BANP: variants seen among roughly 807,000 people sequenced by gnomAD.
BANP encodes protein BANP.
BANP carries 11 observed loss-of-function variants against 68.1 expected under a neutral mutation model. The observed-to-expected ratio is 0.16, with a 90% CI of 0.10 to 0.27. The LOEUF is 0.27. BANP is among the 10% of genes least tolerant of loss of function. The pLI is 1.00. For synonymous variants in BANP, 329 were observed against 303.2 expected (o/e 1.09, Z -0.88); for missense variants, 504 against 722.7 (o/e 0.70, Z 3.47).
chr16:88,039,929 C>T lies in BANP; in HGVS notation c.1311+1918C>T, dbSNP rs544988056. 1.2e-3 allele frequency among the ~76,000 whole-genome samples: 181 copies of T among 152,324 alleles called. 1 individual carries two copies. The highest frequency in any genetic ancestry group is 2.3e-3 in the South Asian group (11 of 4,828). ...CCCCACTCTCTCTAAGTGGCCTTAC[C>T]GCAGAATGAATAAAGCTGCCGTACT... is the stretch of plus-strand genomic sequence containing the variant. On this transcript the variant is annotated intron_variant, in intron 11 of 13. Transcript: ENST00000682872.
chr16:87,996,991 C>G (rs1243818527), intron 4 of BANP, among the ~76,000 whole-genome samples: 1 of 152,154 alleles, frequency 6.6e-6, no homozygotes, highest in African/African-American at 2.4e-5. Context: ...GCAACAGGGG[C>G]CGCCATGCCA....
intron 11 of BANP, among the ~76,000 whole-genome samples, chr16:88,058,792 T>C (rs1440821914): frequency 1.3e-5 from 2 of 152,140 alleles, no homozygotes; most frequent in Non-Finnish European, 2.9e-5. Context: ...ACATAAAATA[T>C]GCATCAAGGG....
chr16:88,018,235 TC>T lies in BANP; in HGVS notation c.656-191del, dbSNP rs1245403364. On this transcript the variant is annotated intron_variant, in intron 6 of 13. Transcript: ENST00000682872. The surrounding 1 kb of genome is among the most constrained non-coding windows in gnomAD (Gnocchi z 7.7). ...TCGGGGGTGGTGGGATCGTGTCTGT[TC>T]CGCGTCAGTTCTTTCTTGGGCAGCA... is the stretch of plus-strand genomic sequence containing the variant. 6.6e-6 allele frequency among the ~76,000 whole-genome samples: 1 copy of T among 151,660 alleles called. No homozygotes were observed. The highest frequency in any genetic ancestry group is 2.4e-5 in the African/African-American group (1 of 41,268).
chr16:87,967,779 C>T (rs1427022090), intron 1 of BANP, among the ~76,000 whole-genome samples: 3 of 152,138 alleles, frequency 2.0e-5, no homozygotes, highest in Non-Finnish European at 4.4e-5. Context: ...TGTGCCACCA[C>T]GCCCTGCTAA....
In BANP at chr16:87,998,404, CTCTGCGTGGGCTGCTGTCTGTGCCA is replaced by C. The variant is rs1288672184; in HGVS notation, c.363-5841_363-5817del. 6.8e-3 allele frequency among the ~76,000 whole-genome samples: 1,040 copies of C among 152,248 alleles called. 6 individuals are homozygous for C. Among genetic ancestry groups the C allele is most frequent in the South Asian group, 0.019 (93 of 4,816 alleles). Reference sequence around the variant, plus strand: ...GTGGCCTTGAATAGGTTAATAGCTTCTCTGCGTGGGCTGCTGTCTGTGCCATCTGCGTGGGCTGCTGTCTGTGCCA... The same window carrying C: ...GTGGCCTTGAATAGGTTAATAGCTTCTCTGCGTGGGCTGCTGTCTGTGCCA... On this transcript the variant is annotated intron_variant, in intron 4 of 13. Coordinates refer to ENST00000682872, the MANE Select transcript of BANP (RefSeq NM_001386991.1).
intron 1 of BANP, among the ~76,000 whole-genome samples, chr16:87,967,772 G>A (rs1033825140): frequency 2.6e-5 from 4 of 152,062 alleles, no homozygotes; most frequent in African/African-American, 9.7e-5. Flanking sequence ...CAGGGCGTGT[G>A]CCACCACGCC....
intron 10 of BANP, 125 bp downstream of exon 10, chr16:88,035,519 G>A (rs2079121116): frequency 1.2e-6 from 1 of 830,284 alleles, no homozygotes; most frequent in Non-Finnish European, 1.9e-6. Context: ...GGCAAGGGCT[G>A]CAGGACTCCG....
In BANP at chr16:88,003,450, G is replaced by A. The variant is rs556077044; in HGVS notation, c.363-845G>A. The A allele has an allele frequency of 4.4e-6, 2 of 456,272 alleles. No homozygotes were observed. The highest frequency in any genetic ancestry group is 8.8e-6 in the Non-Finnish European group (2 of 226,964). The allele number at this position is 456,272 out of a possible 1,614,324, so 28.3% of individuals were successfully genotyped here. A position where few individuals can be genotyped will look rare whatever the true frequency, so the allele number is the denominator to read the frequency against. On this transcript the variant is annotated intron_variant, in intron 4 of 13. Transcript: ENST00000682872. The surrounding 1 kb of genome is among the most constrained non-coding windows in gnomAD (Gnocchi z 6.1). ...TTTATTGTCAGGTGATAATCACGTT[G>A]TGTTTCTAGTGCTAGTTCTTTCTCT...
intron 11 of BANP, among the ~76,000 whole-genome samples, chr16:88,045,597 G>C (rs935869425): frequency 5.9e-5 from 9 of 152,304 alleles, no homozygotes; most frequent in African/African-American, 2.2e-4. Context: ...TCCCCACAGA[G>C]CCCTGCTATG....
At chr16:87,955,949 G>T (rs1038205284) in intron 1 of BANP, among the ~76,000 whole-genome samples, 1 of 152,218 alleles carries the variant, frequency 6.6e-6, no homozygotes, top group Non-Finnish European at 1.5e-5. Flanking sequence ...AGAATTTCCT[G>T]CAGGCAGGTG....
intron 11 of BANP, among the ~76,000 whole-genome samples, chr16:88,053,054 C>G (rs1354507305): frequency 6.6e-6 from 1 of 151,838 alleles, no homozygotes; most frequent in South Asian, 2.1e-4. Flanking sequence ...ATCACCATCA[C>G]CCCTGTCATC....
intron 1 of BANP, among the ~76,000 whole-genome samples, chr16:87,961,890 A>G (rs897143599): frequency 5.9e-5 from 9 of 152,030 alleles, no homozygotes; most frequent in African/African-American, 2.2e-4. Flanking sequence ...GCAGGAAGGC[A>G]CTCCTCAGAT....
At chr16:87,980,251 T>C (rs539535979) in intron 2 of BANP, among the ~76,000 whole-genome samples, 5 of 152,316 alleles carry the variant, frequency 3.3e-5, no homozygotes, top group South Asian at 4.1e-4. Flanking sequence ...TTTTAAAAAA[T>C]TGACTAGGTC....
At chr16:88,035,582 C>A (rs963664434) in intron 10 of BANP, among the ~76,000 whole-genome samples, 188 bp downstream of exon 10, 1 of 152,222 alleles carries the variant, frequency 6.6e-6, no homozygotes, top group Non-Finnish European at 1.5e-5. Flanking sequence ...TCTGCCTCCC[C>A]CTCCTGTCCG....
intron 6 of BANP, among the ~76,000 whole-genome samples, chr16:88,014,739 G>A (rs953659635): frequency 6.6e-6 from 1 of 152,042 alleles, no homozygotes; most frequent in African/African-American, 2.4e-5. Flanking sequence ...GATGGTCGGG[G>A]AGGCTGGTGG....
intron 10 of BANP, chr16:88,037,325 G>T (rs1333372185): frequency 6.6e-6 from 1 of 152,288 alleles, no homozygotes; most frequent in Non-Finnish European, 1.5e-5. Context: ...CAGTAAGTTA[G>T]AAATTGCTAA....
At chr16:87,950,535 A>C (rs2056710170), upstream of BANP, 1 of 151,828 alleles carries the variant, frequency 6.6e-6, no homozygotes, top group East Asian at 1.9e-4. Flanking sequence ...CGCGGGCTCA[A>C]GCGATTCTCC....
At chr16:87,985,637 G>A (rs533249400) in intron 4 of BANP, among the ~76,000 whole-genome samples, 4 of 152,258 alleles carry the variant, frequency 2.6e-5, no homozygotes, top group Admixed American at 1.3e-4. Context: ...GAGAATGAAT[G>A]TGATAGTATT....
rs1212351281 is a variant in BANP, at chr16:87,975,846, CCT to C, written c.70+662_70+663del. On this transcript the variant is annotated intron_variant, in intron 2 of 13. Coordinates refer to ENST00000682872, the MANE Select transcript of BANP (RefSeq NM_001386991.1). ...CCTTATCATGTTGTGTGTGTAATCC[CCT>C]GTGTGTGGCGTCATGGAACCTTACC... Among the ~76,000 whole-genome samples the C allele has an allele frequency of 1.3e-3, 144 of 110,766 alleles. 5 individuals carry two copies. The highest frequency in any genetic ancestry group is 3.6e-3 in the African/African-American group (128 of 35,210). The allele number at this position is 110,766 out of a possible 152,430, so 72.7% of individuals were successfully genotyped here. A position where few individuals can be genotyped will look rare whatever the true frequency, so the allele number is the denominator to read the frequency against.
Sources: allele counts gnomAD v4.1 joint callset (sites outside exome capture counted in the v4.1 genomes callset), GRCh38; gene constraint gnomAD v4.1.1; non-coding constraint Gnocchi (gnomAD v3.1); transcripts MANE v1.5; gene names NCBI Gene and HGNC (gene_info 2026-07-23, HGNC 2026-07-21).